EXT2: variants seen among roughly 807,000 people sequenced by gnomAD.
EXT2 encodes the protein exostosin-2.
Under a neutral mutation model 81.6 loss-of-function variants are expected in EXT2, and 53 were observed. The observed-to-expected ratio is 0.65, with a 90% CI of 0.52 to 0.82. The LOEUF is 0.82. Among genes scored for constraint, EXT2 ranks in the 40% least tolerant of loss-of-function variants. The pLI is 0.00. For missense variants in EXT2, 774 were observed against 910.2 expected, an observed-to-expected ratio of 0.85 and a Z score of 1.93; for synonymous variants, 320 against 340.0, an observed-to-expected ratio of 0.94 and a Z score of 0.65.
At position 44,126,878 on chromosome 11, in the gene EXT2, G is replaced by A. The variant is rs570894434; in HGVS notation, c.1002G>A (p.Val334=). The stretch of plus-strand genomic sequence containing the variant: ...TGGGCCAGGCAGTATTGAGCGATGT[G>A]TTACAAGCTGGCTGTGTCCCGGTTG... ...ARLGQAVLSD[V]LQAGCVPVVI... The change falls in exon 6 of 14, where the codon GTG becomes GTA. Residue 334 remains valine, a synonymous_variant. Transcript: ENST00000533608. 2.5e-6 allele frequency: 4 copies of A among 1,614,186 alleles called. No homozygotes were observed. The African/African-American group carries it at 5.3e-5, about 22-fold the overall frequency.
In EXT2 at chr11:44,165,584, G is replaced by C. The variant is rs112721976; in HGVS notation, c.1174-6027G>C. 5.1e-3 allele frequency among the ~76,000 whole-genome samples: 784 copies of C among 152,274 alleles called. 4 individuals carry two copies. Among genetic ancestry groups the C allele is most frequent in the Non-Finnish European group, 7.7e-3 (525 of 68,012 alleles). Reference sequence around the variant, plus strand: ...TTTGTGCCTTTGGCTGGTGTCCTGGGTGGATTTCTTACCAATTATTGTTTT... The same window carrying C: ...TTTGTGCCTTTGGCTGGTGTCCTGGCTGGATTTCTTACCAATTATTGTTTT... On this transcript the variant is annotated intron_variant, in intron 7 of 13. Transcript: ENST00000533608.
chr11:44,119,150 A>ATG (rs1954273265), intron 4 of EXT2, among the ~76,000 whole-genome samples: 1 of 53,102 alleles, frequency 1.9e-5, no homozygotes, highest in South Asian at 6.1e-4. Flanking sequence ...ATATATATAT[A>ATG]TATATATATA....
At chr11:44,164,862 ATCTCTCATTCACAC>A (rs1445776799) in intron 7 of EXT2, among the ~76,000 whole-genome samples, 5 of 150,312 alleles carry the variant, frequency 3.3e-5, no homozygotes, top group Non-Finnish European at 7.4e-5. Context: ...CTGCTGAAGA[ATCTCTCATTCACAC>A]TTTTTTTTTT....
intron 7 of EXT2, 63 bp from the exon 8 acceptor site, chr11:44,171,548 G>C (rs866222747): frequency 3.1e-6 from 5 of 1,611,954 alleles, no homozygotes; most frequent in Middle Eastern, 1.6e-4. Flanking sequence ...GACTATGATA[G>C]AGTATCTAGT....
chr11:44,108,241 C>T lies in EXT2; in HGVS notation c.529C>T (p.Leu177Phe). Residue 177 changes from leucine (L) to phenylalanine (F), a missense_variant, in exon 2 of 14, where the codon CTC (leucine) becomes TTC (phenylalanine). Physicochemically the swap from Leu to Phe is conservative, Grantham distance 22 (BLOSUM62 0). This residue lies in a region of EXT2 where 626 missense variants were observed against 670.5 expected (regional missense o/e 0.93). Transcript: ENST00000533608. ...GGAGACAGCACAAGCGATGGCCCAG[C>T]TCTCTAGGTATCTCACACTCATACA... ...IKETAQAMAQLSRWDRGTNHL... is the reference protein window; with the variant it reads ...IKETAQAMAQFSRWDRGTNHL... 1 of 1,612,082 alleles carries T rather than the reference C, an allele frequency of 6.2e-7. No homozygotes were observed. Among genetic ancestry groups the T allele is most frequent in the Non-Finnish European group, 8.5e-7 (1 of 1,179,992 alleles).
At position 44,233,001 on chromosome 11, in the gene EXT2, A is replaced by G. The variant is rs569820113; in HGVS notation, c.1806+505A>G. ...TTTTTGCTATTTTAAATAACGCTTA[A>G]TATCTAATGTTAGTGATAGATGTCC... On this transcript the variant is annotated intron_variant, in intron 11 of 13. Coordinates refer to ENST00000533608, the MANE Select transcript of EXT2 (RefSeq NM_207122.2). Among the ~76,000 whole-genome samples, 17 of 152,314 alleles carry G rather than the reference A, an allele frequency of 1.1e-4. No homozygotes were observed. In the South Asian group the frequency reaches 3.3e-3, roughly 30 times the overall value.
chr11:44,134,948 C>A (rs1954544451), intron 7 of EXT2, among the ~76,000 whole-genome samples: 1 of 152,194 alleles, frequency 6.6e-6, no homozygotes, highest in Non-Finnish European at 1.5e-5. Context: ...CATTAAAATA[C>A]CAGTTTCTTT....
At chr11:44,228,332 G>C (rs1331858353) in intron 10 of EXT2, among the ~76,000 whole-genome samples, 1 of 152,170 alleles carries the variant, frequency 6.6e-6, no homozygotes, top group Non-Finnish European at 1.5e-5. Flanking sequence ...AAAGGCATTT[G>C]GTAGTAATGA....
intron 8 of EXT2, among the ~76,000 whole-genome samples, chr11:44,188,118 A>G (rs1955341732): frequency 6.6e-6 from 1 of 152,218 alleles, no homozygotes; most frequent in South Asian, 2.1e-4. Context: ...TTATAAAGCA[A>G]TTTTAACCTA....
At chr11:44,128,185 TGTGA>T (rs1954437431) in intron 6 of EXT2, among the ~76,000 whole-genome samples, 1 of 152,122 alleles carries the variant, frequency 6.6e-6, no homozygotes, top group Non-Finnish European at 1.5e-5. Context: ...GAAACCCTCT[TGTGA>T]GTAACATAGA....
intron 10 of EXT2, among the ~76,000 whole-genome samples, chr11:44,226,328 A>G (rs750118397): frequency 6.6e-6 from 1 of 152,156 alleles, no homozygotes; most frequent in Non-Finnish European, 1.5e-5. Flanking sequence ...CTCACAGGTA[A>G]ATCTTAATCC....
intron 7 of EXT2, among the ~76,000 whole-genome samples, chr11:44,163,980 T>C (rs1954960207): frequency 6.6e-6 from 1 of 152,202 alleles, no homozygotes; most frequent in Non-Finnish European, 1.5e-5. Flanking sequence ...AGTTACACTA[T>C]ATTAGAGTGT....
intron 1 of EXT2, among the ~76,000 whole-genome samples, chr11:44,102,257 A>G (rs1338324255): frequency 6.6e-6 from 1 of 152,180 alleles, no homozygotes; most frequent in African/African-American, 2.4e-5. Context: ...GGCTGATAAC[A>G]GTACCAGGCA....
intron 8 of EXT2, among the ~76,000 whole-genome samples, chr11:44,172,788 G>T (rs960625854): frequency 6.6e-6 from 1 of 151,978 alleles, no homozygotes; most frequent in African/African-American, 2.4e-5. Flanking sequence ...TGGCCAGGCT[G>T]GTCTCGAACG....
At chr11:44,238,606 G>A (rs12284486) in intron 13 of EXT2, among the ~76,000 whole-genome samples, 2,194 of 152,254 alleles carry the variant, frequency 0.014, 44 homozygotes, top group African/African-American at 0.045. Flanking sequence ...TGTGATGAGC[G>A]CCCTGAGAGA....
At chr11:44,227,354 CAG>C (rs1564984482) in intron 10 of EXT2, among the ~76,000 whole-genome samples, 1 of 152,214 alleles carries the variant, frequency 6.6e-6, no homozygotes, top group Non-Finnish European at 1.5e-5. Flanking sequence ...CAACTTGAAA[CAG>C]ATCACAATTG....
rs562012067 is a variant in EXT2, at chr11:44,249,623, T to G, written c.*5336T>G. On this transcript the variant is annotated 3_prime_UTR_variant, in exon 14 of 14. Transcript: ENST00000533608. ...GGAATTTTACTTATAGCTGCAAATA[T>G]ATCATTGGCTACTATACCCAAGCAT... Among the ~76,000 whole-genome samples the G allele has an allele frequency of 1.0e-3, 157 of 152,368 alleles. No individual in the cohort carries two copies. Among genetic ancestry groups the G allele is most frequent in the African/African-American group, 3.6e-3 (149 of 41,590 alleles).
Position 44,108,057 on chromosome 11 carries a change from GGATGACTTT to G in EXT2, c.347_355del (p.Asp116_Phe118del). 1 of 1,614,162 alleles carries G rather than the reference GGATGACTTT, an allele frequency of 6.2e-7. No homozygotes were observed. Among genetic ancestry groups the G allele is most frequent in the Non-Finnish European group, 8.5e-7 (1 of 1,180,020 alleles). ...ATATCTATGCTCTGAAAAAGTACGTGGATGACTTTGGCGTCTCTGTCAGCAACACCATCT... is the reference window on the plus strand; with the variant it reads ...ATATCTATGCTCTGAAAAAGTACGTGGGCGTCTCTGTCAGCAACACCATCT... On this transcript the variant is annotated inframe_deletion, in exon 2 of 14. Coordinates refer to ENST00000533608, the MANE Select transcript of EXT2 (RefSeq NM_207122.2).
intron 9 of EXT2, among the ~76,000 whole-genome samples, chr11:44,206,156 TA>T (rs1458794029): frequency 6.6e-6 from 1 of 152,150 alleles, no homozygotes. Context: ...AGTGCTGAGT[TA>T]AGGAAGCTAC....
Sources: allele counts gnomAD v4.1 joint callset (sites outside exome capture counted in the v4.1 genomes callset), GRCh38; gene constraint gnomAD v4.1.1; regional missense constraint gnomAD v4.1.1; transcripts MANE v1.5; gene names NCBI Gene and HGNC (gene_info 2026-07-23, HGNC 2026-07-21).